Variants in AKAP13 observed in about 807,000 individuals in gnomAD.
AKAP13 encodes the protein A-kinase anchor protein 13.
A neutral mutation model predicts 264.5 loss-of-function variants in AKAP13; 80 were observed. The observed-to-expected ratio is 0.30, with a 90% CI of 0.25 to 0.36. The LOEUF is 0.36. AKAP13 is among the 10% of genes least tolerant of loss of function. AKAP13 has a pLI of 1.00. For synonymous variants in AKAP13, 1,380 were observed against 1,250.2 expected (o/e 1.10, Z -2.19); for missense variants, 3,712 against 3,435.2 (o/e 1.08, Z -2.01).
At chr15:85,538,784 C>T (rs1316081951) in intron 4 of AKAP13, among the ~76,000 whole-genome samples, 17 of 146,234 alleles carry the variant, frequency 1.2e-4, no homozygotes, top group African/African-American at 2.8e-4. Context: ...CCACCGCGCC[C>T]GGCCTTGATA....
chr15:85,626,711 C>T (rs1265541795), intron 8 of AKAP13, among the ~76,000 whole-genome samples: 1 of 152,120 alleles, frequency 6.6e-6, no homozygotes, highest in Non-Finnish European at 1.5e-5. Flanking sequence ...CATTGGTATA[C>T]AAATATCTGT....
intron 2 of AKAP13, among the ~76,000 whole-genome samples, chr15:85,513,478 A>G (rs921958671): frequency 6.6e-6 from 1 of 152,220 alleles, no homozygotes; most frequent in East Asian, 1.9e-4. Flanking sequence ...AAAGTAGTAC[A>G]AAGAATACTC....
rs368754882 is a variant in AKAP13, at chr15:85,393,994, G to A, written c.-12+13196G>A. 3.3e-5 allele frequency among the ~76,000 whole-genome samples: 5 copies of A among 152,090 alleles called. 1 individual carries two copies. In the East Asian group the frequency reaches 9.6e-4, roughly 29 times the overall value. On this transcript the variant is annotated intron_variant, in intron 1 of 36. Coordinates refer to ENST00000394518, the MANE Select transcript of AKAP13 (RefSeq NM_007200.5). Reference sequence around the variant, plus strand: ...AGCAGAAACTTGCCAATAGAATTGTGGAACTGTATTTTCCTTCACATACAG... The same window carrying A: ...AGCAGAAACTTGCCAATAGAATTGTAGAACTGTATTTTCCTTCACATACAG...
intron 2 of AKAP13, among the ~76,000 whole-genome samples, chr15:85,514,511 C>A (rs1035688945): frequency 2.9e-5 from 4 of 137,268 alleles, no homozygotes; most frequent in Non-Finnish European, 4.7e-5. Context: ...CTGGAATCAG[C>A]CAAGTCTCTG....
chr15:85,740,424 T>A, intron 34 of AKAP13, 152 bp downstream of exon 34: 1 of 788,618 alleles, frequency 1.3e-6, no homozygotes, highest in East Asian at 2.7e-5. Context: ...GGTGAGAAAG[T>A]TACAGAATGC....
rs2087105921 is a variant in AKAP13 at position 85,718,709 on chromosome 15, TG to T, written c.6002-364del. Reference sequence around the variant, plus strand: ...TCGAGCCCAGAGTTCAAGACTAGCCTGGGAACATAGTGAAACCCCATTTCTA... The same window carrying T: ...TCGAGCCCAGAGTTCAAGACTAGCCTGGAACATAGTGAAACCCCATTTCTA... On this transcript the variant is annotated intron_variant, in intron 22 of 36. Coordinates refer to ENST00000394518, the MANE Select transcript of AKAP13 (RefSeq NM_007200.5). This position sits in a 1 kb window ranked among gnomAD's most constrained non-coding sequence, Gnocchi z 4.9. The T allele has an allele frequency of 1.1e-5, 3 of 262,752 alleles. No homozygotes were observed. The highest frequency in any genetic ancestry group is 2.2e-5 in the Non-Finnish European group (3 of 134,466). 16.3% of individuals were successfully genotyped at this position (262,752 alleles called of 1,614,324 possible).
intron 1 of AKAP13, among the ~76,000 whole-genome samples, chr15:85,411,683 T>C (rs1009021179): frequency 3.3e-5 from 5 of 152,192 alleles, no homozygotes; most frequent in Non-Finnish European, 7.3e-5. Context: ...GTGATCCGCC[T>C]GCCTCGGCCT....
chr15:85,408,959 C>G (rs185212572), intron 1 of AKAP13, among the ~76,000 whole-genome samples: 42 of 151,774 alleles, frequency 2.8e-4, no homozygotes, highest in African/African-American at 9.5e-4. Flanking sequence ...CACAAGTGTT[C>G]CAGTTTCTCT....
At chr15:85,442,418 A>AT (rs1490767437) in intron 1 of AKAP13, among the ~76,000 whole-genome samples, 14 of 101,082 alleles carry the variant, frequency 1.4e-4, no homozygotes, top group Non-Finnish European at 2.8e-4. Flanking sequence ...TCAAAAAAAA[A>AT]AAAAAATATA....
intron 9 of AKAP13, among the ~76,000 whole-genome samples, chr15:85,641,550 A>C (rs192051254): frequency 2.0e-5 from 3 of 150,656 alleles, no homozygotes; most frequent in Non-Finnish European, 3.0e-5. Context: ...CAGTGGCACA[A>C]TCTCGGCTCA....
chr15:85,741,097 A>G lies in AKAP13; in HGVS notation c.7660A>G (p.Ser2554Gly). ...CATTGAGGACCAGAAACTGGTGCTG[A>G]GCGAGAGGGCGCTCACTCGCAGCTT... ...SYIEDQKLVLSERALTRSLSR... is the reference protein window; with the variant it reads ...SYIEDQKLVLGERALTRSLSR... Residue 2554 changes from serine (S) to glycine (G), a missense_variant, in exon 35 of 37, where the codon AGC becomes GGC. Physicochemically the swap from Ser to Gly is moderately conservative, Grantham distance 56. Transcript: ENST00000394518. 1 of 1,613,560 alleles carries G rather than the reference A, an allele frequency of 6.2e-7. No homozygotes were observed. Among genetic ancestry groups the G allele is most frequent in the South Asian group, 1.1e-5 (1 of 91,048 alleles).
At chr15:85,473,628 C>CA (rs1440295849) in intron 1 of AKAP13, among the ~76,000 whole-genome samples, 1 of 152,184 alleles carries the variant, frequency 6.6e-6, no homozygotes, top group African/African-American at 2.4e-5. Flanking sequence ...CAGGTTGCTT[C>CA]AAAAACCCAG....
intron 32 of AKAP13, 59 bp from the exon 33 acceptor site, chr15:85,736,029 CTG>C: frequency 6.1e-6 from 8 of 1,312,274 alleles, no homozygotes; most frequent in South Asian, 1.2e-5. Flanking sequence ...CAGAAACACA[CTG>C]AATGTCATTT....
intron 35 of AKAP13, among the ~76,000 whole-genome samples, chr15:85,742,437 A>T (rs962468632): frequency 6.6e-6 from 1 of 152,210 alleles, no homozygotes. Flanking sequence ...GGAAGAACCC[A>T]TGTGGCAGGA....
intron 1 of AKAP13, among the ~76,000 whole-genome samples, chr15:85,478,054 C>T (rs908691482): frequency 2.6e-5 from 4 of 152,170 alleles, no homozygotes; most frequent in African/African-American, 9.7e-5. Flanking sequence ...CTGGACCCCC[C>T]ATCTTCTAGA....
At position 85,543,433 on chromosome 15, in the gene AKAP13, G is replaced by A. The variant is rs562410950; in HGVS notation, c.479-339G>A. ...TATTATTATTTGAGTAAAAGAACGT[G>A]TGTATGGGTCGCCTTTATATGCCTG... On this transcript the variant is annotated intron_variant, in intron 4 of 36. Coordinates refer to ENST00000394518, the MANE Select transcript of AKAP13 (RefSeq NM_007200.5). Among the ~76,000 whole-genome samples the A allele has an allele frequency of 3.9e-5, 6 of 152,352 alleles. No individual in the cohort carries two copies. In the South Asian group the frequency reaches 8.3e-4, roughly 21 times the overall value.
chr15:85,496,389 A>G (rs1174263520), intron 2 of AKAP13, among the ~76,000 whole-genome samples: 6 of 152,190 alleles, frequency 3.9e-5, no homozygotes, highest in Non-Finnish European at 2.9e-5. Flanking sequence ...TTCTCTGTTT[A>G]TGCTAATTAA....
At chr15:85,641,115 C>T (rs1360879316) in intron 9 of AKAP13, among the ~76,000 whole-genome samples, 1 of 152,062 alleles carries the variant, frequency 6.6e-6, no homozygotes, top group Non-Finnish European at 1.5e-5. Flanking sequence ...ACTTTATACA[C>T]ACTTCCTCAA....
chr15:85,611,852 G>A (rs895613504), intron 8 of AKAP13, among the ~76,000 whole-genome samples: 1 of 151,992 alleles, frequency 6.6e-6, no homozygotes, highest in Non-Finnish European at 1.5e-5. Flanking sequence ...AGTCTCTCTA[G>A]CTTTCCTTGC....
Sources: allele counts gnomAD v4.1 joint callset (sites outside exome capture counted in the v4.1 genomes callset), GRCh38; gene constraint gnomAD v4.1.1; non-coding constraint Gnocchi (gnomAD v3.1); transcripts MANE v1.5; gene names NCBI Gene and HGNC (gene_info 2026-07-23, HGNC 2026-07-21).